TBC1D22A: variants seen among roughly 807,000 people sequenced by gnomAD.
The protein encoded by TBC1D22A is TBC1 domain family member 22A, also known as putative GTPase activator.
TBC1D22A carries 38 observed loss-of-function variants against 60.2 expected under a neutral mutation model. The ratio of observed to expected loss-of-function variants is 0.63; its 90% CI spans 0.49 to 0.83. TBC1D22A has a LOEUF of 0.83. Among genes scored for constraint, TBC1D22A ranks in the 40% least tolerant of loss-of-function variants. The pLI is 0.00. For missense variants in TBC1D22A, 628 were observed against 701.0 expected (o/e 0.90, Z 1.18); for synonymous variants, 302 against 281.7 (o/e 1.07, Z -0.72).
At chr22:46,792,697 A>C in intron 2 of TBC1D22A, 121 bp downstream of exon 2, 4 of 1,598,388 alleles carry the variant, frequency 2.5e-6, no homozygotes, top group Non-Finnish European at 3.4e-6. Flanking sequence ...CTGGTTTCTC[A>C]TTCAGCCACA....
intron 11 of TBC1D22A, among the ~76,000 whole-genome samples, chr22:47,059,642 C>A (rs1021445024): frequency 3.3e-5 from 5 of 152,100 alleles, no homozygotes; most frequent in Non-Finnish European, 5.9e-5. Flanking sequence ...TTTTAAGCTC[C>A]CACCTCCAAG....
chr22:46,833,823 A>G (rs1266399949), intron 4 of TBC1D22A, among the ~76,000 whole-genome samples: 1 of 152,222 alleles, frequency 6.6e-6, no homozygotes, highest in Non-Finnish European at 1.5e-5. Context: ...ACTGCATGCC[A>G]GCCTACTGAT....
intron 11 of TBC1D22A, among the ~76,000 whole-genome samples, chr22:47,061,186 C>G (rs549840895): frequency 7.9e-4 from 120 of 151,708 alleles, no homozygotes; most frequent in African/African-American, 2.8e-3. Context: ...AAAGGTTGAG[C>G]CACGCTGTCT....
At position 46,974,317 on chromosome 22, in the gene TBC1D22A, T is replaced by C. The variant is rs1398286672; in HGVS notation, c.1043T>C (p.Val348Ala). Residue 348 changes from valine (V) to alanine (A), a missense_variant, in exon 9 of 13, where the codon GTC (valine) becomes GCC (alanine). Coordinates refer to ENST00000337137, the MANE Select transcript of TBC1D22A (RefSeq NM_014346.5). ...GCAGAGGAGGTGGACACGGTGGACG[T>C]CTCCGGCGTGCCCGCAGAGGTGCTG... ...IEAEEVDTVD[V>A]SGVPAEVLCN... 2 of 1,602,934 alleles carry C rather than the reference T, an allele frequency of 1.2e-6. No homozygotes were observed. Among genetic ancestry groups the C allele is most frequent in the South Asian group, 2.3e-5 (2 of 88,820 alleles).
chr22:47,025,679 G>A (rs1447211673), intron 10 of TBC1D22A, among the ~76,000 whole-genome samples: 1 of 152,230 alleles, frequency 6.6e-6, no homozygotes, highest in Non-Finnish European at 1.5e-5. Context: ...ATAGTACTGA[G>A]TGTGTGAGAA....
At chr22:46,941,704 TGCGG>T (rs1569249180) in intron 8 of TBC1D22A, among the ~76,000 whole-genome samples, 31 of 68,712 alleles carry the variant, frequency 4.5e-4, no homozygotes, top group African/African-American at 2.1e-3. Context: ...GGATTATATA[TGCGG>T]AATATATATA....
chr22:46,765,559 A>G (rs1435167791), intron 1 of TBC1D22A, among the ~76,000 whole-genome samples: 1 of 149,706 alleles, frequency 6.7e-6, no homozygotes, highest in Admixed American at 6.7e-5. Flanking sequence ...TCTGCCTCCC[A>G]GGTTCAAGTG....
intron 12 of TBC1D22A, among the ~76,000 whole-genome samples, chr22:47,134,116 TTTC>T (rs1254007442): frequency 1.3e-5 from 2 of 152,226 alleles, no homozygotes; most frequent in Non-Finnish European, 2.9e-5. Flanking sequence ...CCCTTGCACG[TTTC>T]TGCCTGTGAA....
At chr22:46,771,611 T>C (rs996431427) in intron 1 of TBC1D22A, among the ~76,000 whole-genome samples, 4 of 151,936 alleles carry the variant, frequency 2.6e-5, no homozygotes, top group African/African-American at 9.7e-5. Flanking sequence ...TTTTTTTTTT[T>C]TGAGATGGAG....
At chr22:46,813,617 AT>A (rs1340463560) in intron 4 of TBC1D22A, among the ~76,000 whole-genome samples, 1 of 152,224 alleles carries the variant, frequency 6.6e-6, no homozygotes, top group Admixed American at 6.5e-5. Flanking sequence ...GGAGAAAGAG[AT>A]CTGCCGCAGA....
chr22:46,890,029 C>T (rs1010088050), intron 5 of TBC1D22A, among the ~76,000 whole-genome samples: 1 of 152,158 alleles, frequency 6.6e-6, no homozygotes, highest in Non-Finnish European at 1.5e-5. Flanking sequence ...TCTGCAGATT[C>T]AACCAACTGT....
intron 4 of TBC1D22A, among the ~76,000 whole-genome samples, chr22:46,799,614 C>T (rs2084811596): frequency 6.6e-6 from 1 of 152,208 alleles, no homozygotes; most frequent in African/African-American, 2.4e-5. Flanking sequence ...ACCATGCGTT[C>T]CATTTGGATG....
Position 47,091,643 on chromosome 22 carries a change from C to A in TBC1D22A, c.1330-19865C>A, listed in dbSNP as rs138939928. 3.2e-3 allele frequency among the ~76,000 whole-genome samples: 480 copies of A among 152,244 alleles called. 4 individuals are homozygous for A. Among genetic ancestry groups the A allele is most frequent in the South Asian group, 0.03 (144 of 4,824 alleles). On this transcript the variant is annotated intron_variant, in intron 11 of 12. Coordinates refer to ENST00000337137, the MANE Select transcript of TBC1D22A (RefSeq NM_014346.5). ...GCCTCGCTGAGCTTCTTCTCAGGTC[C>A]TGTGCACCTGGCAGGCTGCTTCAGC...
chr22:47,077,547 C>T (rs1049834850), intron 11 of TBC1D22A, among the ~76,000 whole-genome samples: 13 of 152,304 alleles, frequency 8.5e-5, no homozygotes, highest in Non-Finnish European at 1.3e-4. Flanking sequence ...GTTCAAGTTC[C>T]GGCTCTATGC....
chr22:47,171,697 C>T (rs2068459671), intron 12 of TBC1D22A, among the ~76,000 whole-genome samples: 1 of 152,226 alleles, frequency 6.6e-6, no homozygotes, highest in African/African-American at 2.4e-5. Flanking sequence ...CTGCCAGCAG[C>T]TGTGGATGTG....
At chr22:47,030,058 G>A (rs2062416357) in intron 10 of TBC1D22A, among the ~76,000 whole-genome samples, 1 of 152,232 alleles carries the variant, frequency 6.6e-6, no homozygotes, top group African/African-American at 2.4e-5. Context: ...GAAAGGAGGT[G>A]GGCTCAGAGT....
At chr22:46,863,240 C>G (rs187138611) in intron 4 of TBC1D22A, among the ~76,000 whole-genome samples, 166 of 152,290 alleles carry the variant, frequency 1.1e-3, no homozygotes, top group Admixed American at 3.1e-3. Context: ...GGTGGTCACT[C>G]TCCAAGACAA....
chr22:46,864,397 T>G (rs2066953999), intron 4 of TBC1D22A, among the ~76,000 whole-genome samples: 2 of 152,224 alleles, frequency 1.3e-5, no homozygotes, highest in South Asian at 2.1e-4. Flanking sequence ...AAGGCTCATT[T>G]AACTCTATCA....
At position 46,781,697 on chromosome 22, in the gene TBC1D22A, G is replaced by A. The variant is rs539052277; in HGVS notation, c.63-10823G>A. ...AGCCTCTTGGGGCATCTCTCTGCCGGCCCCTCCCTGGCCTGCCCCGGAGTA... is the reference window on the plus strand; with the variant it reads ...AGCCTCTTGGGGCATCTCTCTGCCGACCCCTCCCTGGCCTGCCCCGGAGTA... On this transcript the variant is annotated intron_variant, in intron 1 of 12. Coordinates refer to ENST00000337137, the MANE Select transcript of TBC1D22A (RefSeq NM_014346.5). 5.9e-5 allele frequency among the ~76,000 whole-genome samples: 9 copies of A among 152,260 alleles called. No homozygotes were observed. In the South Asian group the frequency reaches 1.7e-3, roughly 28 times the overall value.
Sources: gnomAD v4.1 joint callset for allele counts (sites outside exome capture counted in the v4.1 genomes callset) on GRCh38, gnomAD v4.1.1 for gene constraint, MANE v1.5 for transcripts, NCBI Gene and HGNC (gene_info 2026-07-23, HGNC 2026-07-21) for gene names.